BAG6: variants seen among roughly 807,000 people sequenced by gnomAD.
BAG6 encodes the protein BAG cochaperone 6.
Under a neutral mutation model 121.0 loss-of-function variants are expected in BAG6, and 22 were observed. The ratio of observed to expected loss-of-function variants is 0.18; its 90% CI spans 0.13 to 0.26. The LOEUF (loss-of-function observed/expected upper bound fraction) is 0.26. BAG6 is among the 10% of genes least tolerant of loss of function. BAG6 has a pLI of 1.00. For missense variants in BAG6, 1,233 were observed against 1,537.7 expected (o/e 0.80, Z 3.31); for synonymous variants, 583 against 584.6 (o/e 1.00, Z 0.04).
intron 1 of BAG6, chr6:31,652,056 G>C: frequency 3.0e-6 from 1 of 336,740 alleles, no homozygotes; most frequent in Non-Finnish European, 5.7e-6. Flanking sequence ...AAGGAAGCAC[G>C]AGACCAGAGA....
chr6:31,649,724 C>T (rs530377062), intron 2 of BAG6, 97 bp from the exon 3 acceptor site: 1 of 996,744 alleles, frequency 1.0e-6, no homozygotes, highest in Non-Finnish European at 1.6e-6. Flanking sequence ...GTAAAAACCA[C>T]CACAGAATCA....
intron 15 of BAG6, 46 bp from the exon 16 acceptor site, chr6:31,642,449 G>A (rs922395346): frequency 2.3e-6 from 2 of 872,178 alleles, no homozygotes; most frequent in Non-Finnish European, 3.6e-6. Context: ...AGGTGAGAAT[G>A]AAGACACACG....
At chr6:31,649,830 G>A (rs546943977) in intron 2 of BAG6, among the ~76,000 whole-genome samples, 60 of 152,270 alleles carry the variant, frequency 3.9e-4, no homozygotes, top group African/African-American at 1.1e-3. Flanking sequence ...GGCTTGGCGC[G>A]GTGGCTCACA....
intron 8 of BAG6, among the ~76,000 whole-genome samples, chr6:31,645,946 C>T (rs1057420820): frequency 6.6e-6 from 1 of 152,208 alleles, no homozygotes; most frequent in Non-Finnish European, 1.5e-5. Flanking sequence ...AAATCACTTA[C>T]AGGTTTAGAG....
intron 6 of BAG6, 128 bp downstream of exon 6, chr6:31,648,547 AAT>A: frequency 2.4e-6 from 2 of 824,928 alleles, no homozygotes; most frequent in South Asian, 3.6e-5. Context: ...CAAAAGAATG[AAT>A]ACTGCAGAGA....
Position 31,642,898 on chromosome 6 carries a change from A to T in BAG6, c.1974T>A (p.Ala658=). 1 of 1,612,210 alleles carries T rather than the reference A, an allele frequency of 6.2e-7. No individual in the cohort carries two copies. Among genetic ancestry groups the T allele is most frequent in the Non-Finnish European group, 8.5e-7 (1 of 1,179,348 alleles). The change falls in exon 15 of 26, where the codon GCT becomes GCA. Residue 658 remains alanine, a synonymous_variant. Coordinates refer to ENST00000676615, the MANE Select transcript of BAG6 (RefSeq NM_001387994.1). ...GCATCGCCACAGTGATGGTGGGAGAAGCCACACCAGACCCTCCAGCCCCTG... is the reference window on the plus strand; with the variant it reads ...GCATCGCCACAGTGATGGTGGGAGATGCCACACCAGACCCTCCAGCCCCTG... ...AGPGAGGSGV[A]SPTITVAMPG...
chr6:31,647,880 G>C (rs762872141), intron 6 of BAG6, 54 bp from the exon 7 acceptor site: 3 of 1,497,842 alleles, frequency 2.0e-6, no homozygotes, highest in Admixed American at 4.9e-5. Context: ...TGCTGCAGAG[G>C]ATTACTCTAC....
Position 31,647,591 on chromosome 6 carries a change from T to A in BAG6, c.788A>T (p.Asn263Ile). 2 of 1,609,974 alleles carry A rather than the reference T, an allele frequency of 1.2e-6. No homozygotes were observed. The highest frequency in any genetic ancestry group is 2.2e-5 in the South Asian group (2 of 90,580). The change falls in exon 7 of 26, where the codon AAC becomes ATC. Residue 263 changes from asparagine to isoleucine, a missense_variant and splice_region_variant. Physicochemically the swap from Asn to Ile is moderately radical, Grantham distance 149. This residue lies in a region of BAG6 where 777 missense variants were observed against 861.4 expected (regional missense o/e 0.90). Coordinates refer to ENST00000676615, the MANE Select transcript of BAG6 (RefSeq NM_001387994.1). ...PTPAPETNAP[N>I]HPSPAEYVEV... ...ACTAAAGATTCCCTCCATCTCTCACTTGGGTGCATTTGTTTCCGGGGCAGG... is the reference window on the plus strand; with the variant it reads ...ACTAAAGATTCCCTCCATCTCTCACATGGGTGCATTTGTTTCCGGGGCAGG...
rs1788016027 is a variant in BAG6, at chr6:31,645,453, T to C, written c.1070A>G (p.His357Arg). ...RHLHVVRPMS[H>R]YTTPMVLQQA... ...CTGGAGCACCATGGGGGTGGTGTAGTGAGACATAGGCCGGACCACATGCAG... is the reference window on the plus strand; with the variant it reads ...CTGGAGCACCATGGGGGTGGTGTAGCGAGACATAGGCCGGACCACATGCAG... The change falls in exon 9 of 26, where the codon CAC (histidine) becomes CGC (arginine). Residue 357 changes from histidine (H) to arginine (R), a missense_variant. Around this residue, in one of 7 missense-constraint regions of BAG6, gnomAD observed 777 missense variants for 861.4 expected, o/e 0.90. Transcript: ENST00000676615. 2 of 1,613,002 alleles carry C rather than the reference T, an allele frequency of 1.2e-6. No individual in the cohort carries two copies. Among genetic ancestry groups the C allele is most frequent in the Non-Finnish European group, 1.7e-6 (2 of 1,180,008 alleles).
chr6:31,640,813 G>A lies in BAG6; in HGVS notation c.2913C>T (p.Arg971=). The stretch of plus-strand genomic sequence containing the variant: ...TTACCTGGGGGGGATCACCAACCCT[G>A]CGAACGTATCTGAGAATGGCATCAG... ...VGPDAILRYV[R]RVGDPPQPLP... is the part of the protein sequence containing the mutation. The change falls in exon 21 of 26, where the codon CGC becomes CGT. Residue 971 remains arginine (R), a synonymous_variant. Coordinates refer to ENST00000676615, the MANE Select transcript of BAG6 (RefSeq NM_001387994.1). The surrounding 1 kb of genome is among the most constrained non-coding windows in gnomAD (Gnocchi z 4.2). 6.2e-7 allele frequency: 1 copy of A among 1,612,678 alleles called. No homozygotes were observed. Among genetic ancestry groups the A allele is most frequent in the Non-Finnish European group, 8.5e-7 (1 of 1,180,028 alleles).
At chr6:31,639,345 G>C in intron 25 of BAG6, 119 bp from the exon 26 acceptor site, 1 of 1,436,356 alleles carries the variant, frequency 7.0e-7, no homozygotes, top group Non-Finnish European at 9.6e-7. Flanking sequence ...CTGTCAAATA[G>C]CCCGGGGTGG....
In BAG6 at chr6:31,639,202, G is replaced by C; in HGVS notation, c.3418C>G (p.Leu1140Val). 2.5e-6 allele frequency: 4 copies of C among 1,613,862 alleles called. 1 individual carries two copies. The highest frequency in any genetic ancestry group is 3.4e-6 in the Non-Finnish European group (4 of 1,179,900). The stretch of plus-strand genomic sequence containing the variant: ...GGACTGTAGTTGGGGTCTTCCTGCA[G>C]TCGTTTTTGTATATCAGACCGGAGC... ...QQLRSDIQKR[L>V]QEDPNYSPQR... The change falls in exon 26 of 26, where the codon CTG becomes GTG. Residue 1140 changes from leucine (L) to valine (V), a missense_variant. Physicochemically the swap from Leu to Val is conservative, Grantham distance 32 (BLOSUM62 1). Transcript: ENST00000676615.
In BAG6 at chr6:31,649,564, G is replaced by A. The variant is rs1008515096; in HGVS notation, c.172C>T (p.Arg58Trp). Residue 58 changes from arginine (R) to tryptophan (W), a missense_variant, in exon 3 of 26, where the codon CGG becomes TGG. Physicochemically the swap from Arg to Trp is moderately radical, Grantham distance 101. Around this residue, in one of 7 missense-constraint regions of BAG6, gnomAD observed 6 missense variants for 24.8 expected, o/e 0.24. Coordinates refer to ENST00000676615, the MANE Select transcript of BAG6 (RefSeq NM_001387994.1). ...AGAACTCGTCCCTGGTAAATGAGCC[G>A]TTGTTTTTCAGATGGGATGCTGACA... ...ASVSIPSEKQ[R>W]LIYQGRVLQD... 3 of 1,614,152 alleles carry A rather than the reference G, an allele frequency of 1.9e-6. No homozygotes were observed. Among genetic ancestry groups the A allele is most frequent in the Non-Finnish European group, 2.5e-6 (3 of 1,180,040 alleles).
rs552867262 is a variant in BAG6, at chr6:31,648,156, C to G, written c.553-330G>C. On this transcript the variant is annotated intron_variant, in intron 6 of 25. Coordinates refer to ENST00000676615, the MANE Select transcript of BAG6 (RefSeq NM_001387994.1). Reference sequence around the variant, plus strand: ...TCAGCCTTCTAAGTAGCCAGGCCTACAGGCGCGTGCCACCACACCCAACTA... The same window carrying G: ...TCAGCCTTCTAAGTAGCCAGGCCTAGAGGCGCGTGCCACCACACCCAACTA... Among the ~76,000 whole-genome samples, 22 of 152,116 alleles carry G rather than the reference C, an allele frequency of 1.4e-4. No individual in the cohort carries two copies. In the East Asian group the frequency reaches 3.9e-3, roughly 27 times the overall value.
rs547612475 is a variant in BAG6 at position 31,639,621 on chromosome 6, A to G, written c.3272T>C (p.Leu1091Pro). ...RKTMQGEGPQ[L>P]LLSEAVSRAA... ...CCGGCTCACAGCCTCTGAGAGAAGC[A>G]GCTGGGGGCCCTCACCCTGCATCGT... is the stretch of plus-strand genomic sequence containing the variant. Residue 1091 changes from leucine to proline, a missense_variant, in exon 25 of 26, where the codon CTG becomes CCG. This residue lies in a region of BAG6 where 102 missense variants were observed against 103.2 expected (regional missense o/e 0.99). Coordinates refer to ENST00000676615, the MANE Select transcript of BAG6 (RefSeq NM_001387994.1). The G allele has an allele frequency of 6.2e-7, 1 of 1,613,148 alleles. No individual in the cohort carries two copies. Among genetic ancestry groups the G allele is most frequent in the East Asian group, 2.2e-5 (1 of 44,870 alleles).
chr6:31,639,839 A>G (rs1780767328), intron 24 of BAG6, 193 bp from the exon 25 acceptor site: 1 of 738,326 alleles, frequency 1.4e-6, no homozygotes, highest in Non-Finnish European at 2.1e-6. Context: ...AGCCAAAACT[A>G]AAGTGAATGT....
At chr6:31,642,050 G>A (rs1783372351) in intron 16 of BAG6, 62 bp downstream of exon 16, 1 of 1,594,838 alleles carries the variant, frequency 6.3e-7, no homozygotes, top group African/African-American at 1.3e-5. Context: ...CCTAAACCAA[G>A]GCCATCTACA....
Position 31,642,350 on chromosome 6 carries a change from G to A in BAG6, c.2097C>T (p.Ala699=), listed in dbSNP as rs1783661780. The change falls in exon 16 of 26, where the codon GCC becomes GCT. Residue 699 remains alanine, a synonymous_variant. Coordinates refer to ENST00000676615, the MANE Select transcript of BAG6 (RefSeq NM_001387994.1). ...GTGGGGGCATGGTCTGCTGCTCTGGGGCAGGTGGTGGGGGTGGAGGAGGTG... is the reference window on the plus strand; with the variant it reads ...GTGGGGGCATGGTCTGCTGCTCTGGAGCAGGTGGTGGGGGTGGAGGAGGTG... ...PPPPPPPPPP[A]PEQQTMPPPG... The A allele has an allele frequency of 1.3e-6, 2 of 1,537,910 alleles. No homozygotes were observed. The highest frequency in any genetic ancestry group is 1.8e-6 in the Non-Finnish European group (2 of 1,142,366).
intron 14 of BAG6, 53 bp downstream of exon 14, chr6:31,643,837 G>C: frequency 6.4e-7 from 1 of 1,572,514 alleles, no homozygotes. Flanking sequence ...AAGTGCCAGT[G>C]AGCAGACTAG....
Sources: allele counts gnomAD v4.1 joint callset (sites outside exome capture counted in the v4.1 genomes callset), GRCh38; gene constraint gnomAD v4.1.1; regional missense constraint gnomAD v4.1.1; non-coding constraint Gnocchi (gnomAD v3.1); transcripts MANE v1.5; gene names NCBI Gene and HGNC (gene_info 2026-07-23, HGNC 2026-07-21).